VCAN: variants seen among roughly 807,000 people sequenced by gnomAD.
The protein encoded by VCAN is versican core protein.
Under a neutral mutation model 245.5 loss-of-function variants are expected in VCAN, and 44 were observed. The observed-to-expected ratio is 0.18, with a 90% CI of 0.14 to 0.23. The LOEUF (loss-of-function observed/expected upper bound fraction) is 0.23. Among genes scored for constraint, VCAN ranks in the 10% least tolerant of loss-of-function variants. The pLI is 1.00. For missense variants in VCAN, 3,793 were observed against 4,057.9 expected, an observed-to-expected ratio of 0.93 and a Z score of 1.77; for synonymous variants, 1,413 against 1,437.0, an observed-to-expected ratio of 0.98 and a Z score of 0.38.
intron 7 of VCAN, among the ~76,000 whole-genome samples, chr5:83,535,011 C>T (rs902211378): frequency 2.0e-5 from 3 of 151,880 alleles, no homozygotes; most frequent in Admixed American, 6.6e-5. Context: ...TTGAAGAAAC[C>T]TAGTCTTTTT....
chr5:83,474,248 A>C (rs1200134053), intron 1 of VCAN, among the ~76,000 whole-genome samples: 1 of 152,030 alleles, frequency 6.6e-6, no homozygotes, highest in Non-Finnish European at 1.5e-5. Context: ...AAGGAAGGGA[A>C]GTGGAAGGAA....
chr5:83,527,145 G>A (rs1227647919), intron 7 of VCAN, among the ~76,000 whole-genome samples: 1 of 152,194 alleles, frequency 6.6e-6, no homozygotes, highest in Non-Finnish European at 1.5e-5. Flanking sequence ...TTTCTCATTG[G>A]CATTCTAGTG....
At chr5:83,488,362 G>A (rs1744857236) in intron 2 of VCAN, among the ~76,000 whole-genome samples, 1 of 152,142 alleles carries the variant, frequency 6.6e-6, no homozygotes, top group South Asian at 2.1e-4. Context: ...GAACTGAAAA[G>A]AACACTTCTT....
intron 2 of VCAN, among the ~76,000 whole-genome samples, chr5:83,489,313 G>GA (rs1744889993): frequency 6.6e-6 from 1 of 152,128 alleles, no homozygotes; most frequent in Non-Finnish European, 1.5e-5. Context: ...CTCTAAGAGT[G>GA]AAAAAACATT....
At position 83,490,120 on chromosome 5, in the gene VCAN, G is replaced by T; in HGVS notation, c.93G>T (p.Pro31=). 1 of 1,613,994 alleles carries T rather than the reference G, an allele frequency of 6.2e-7. No homozygotes were observed. The highest frequency in any genetic ancestry group is 8.5e-7 in the Non-Finnish European group (1 of 1,180,014). Reference sequence around the variant, plus strand: ...TAGTCAAAGTGGGAAAAAGCCCACCGGTGAGGGGCTCCCTCTCTGGAAAAG... The same window carrying T: ...TAGTCAAAGTGGGAAAAAGCCCACCTGTGAGGGGCTCCCTCTCTGGAAAAG... ...LHKVKVGKSP[P]VRGSLSGKVS... The change falls in exon 3 of 15, where the codon CCG becomes CCT. Residue 31 remains proline (P), a synonymous_variant. Transcript: ENST00000265077.
At chr5:83,530,651 C>T (rs1405169054) in intron 7 of VCAN, among the ~76,000 whole-genome samples, 1 of 152,064 alleles carries the variant, frequency 6.6e-6, no homozygotes, top group African/African-American at 2.4e-5. Context: ...CATTACTTTT[C>T]ATTGAGGTCA....
intron 6 of VCAN, among the ~76,000 whole-genome samples, chr5:83,516,447 T>A (rs1322379233): frequency 6.6e-6 from 1 of 152,194 alleles, no homozygotes; most frequent in Non-Finnish European, 1.5e-5. Flanking sequence ...TGGGAATAAG[T>A]TAAATTGACT....
At position 83,542,096 on chromosome 5, in the gene VCAN, G is replaced by A. The variant is rs916283992; in HGVS notation, c.9093G>A (p.Gln3031=). Residue 3031 remains glutamine (Q), a synonymous_variant, in exon 8 of 15, where the codon CAG becomes CAA. Coordinates refer to ENST00000265077, the MANE Select transcript of VCAN (RefSeq NM_004385.5). ...GQDSTIAASE[Q]QVAARILDSN... is the part of the protein sequence containing the mutation. ...ATTCCACGATAGCAGCATCAGAACA[G>A]CAAGTGGCAGCGAGAATTCTTGATT... is the stretch of plus-strand genomic sequence containing the variant. 6.2e-7 allele frequency: 1 copy of A among 1,613,940 alleles called. No individual in the cohort carries two copies. The highest frequency in any genetic ancestry group is 8.5e-7 in the Non-Finnish European group (1 of 1,179,978).
chr5:83,489,989 T>C (rs1322470092), intron 2 of VCAN, 109 bp from the exon 3 acceptor site: 1 of 1,114,348 alleles, frequency 9.0e-7, no homozygotes, highest in Non-Finnish European at 1.3e-6. Context: ...ATGTCACATG[T>C]TGAAGATGTA....
In VCAN at chr5:83,521,361, G is replaced by A; in HGVS notation, c.3055G>A (p.Glu1019Lys). ...QTRLEATISP[E>K]TMRTTKITEG... ...TCGCCTTGAAGCGACTATTTCTCCA[G>A]AAACTATGAGAACAACAAAAATCAC... Residue 1019 changes from glutamate (E) to lysine (K), a missense_variant, in exon 7 of 15, where the codon GAA (glutamate) becomes AAA (lysine). By Grantham distance (56) the Glu-to-Lys change is moderately conservative (BLOSUM62 1). This residue lies in a region of VCAN where 3,182 missense variants were observed against 3,250.3 expected (regional missense o/e 0.98). Coordinates refer to ENST00000265077, the MANE Select transcript of VCAN (RefSeq NM_004385.5). 1 of 1,614,068 alleles carries A rather than the reference G, an allele frequency of 6.2e-7. No individual in the cohort carries two copies. The highest frequency in any genetic ancestry group is 8.5e-7 in the Non-Finnish European group (1 of 1,179,996).
At chr5:83,508,092 G>A (rs1745534973) in intron 5 of VCAN, among the ~76,000 whole-genome samples, 1 of 152,130 alleles carries the variant, frequency 6.6e-6, no homozygotes, top group Non-Finnish European at 1.5e-5. Flanking sequence ...CACTTCATCA[G>A]GGTTCCCTGC....
rs116102814 is a variant in VCAN at position 83,559,553 on chromosome 5, A to G, written c.9735+4515A>G. Among the ~76,000 whole-genome samples the G allele has an allele frequency of 7.1e-3, 1,075 of 152,110 alleles. 15 individuals carry two copies. The highest frequency in any genetic ancestry group is 0.025 in the African/African-American group (1,039 of 41,504). ...AGTGTTTAGCATATTCTCACGTCTT[A>G]TCCTCATTTCATCTCACAAACAGTC... On this transcript the variant is annotated intron_variant, in intron 12 of 14. Transcript: ENST00000265077.
rs151175014 is a variant in VCAN at position 83,577,633 on chromosome 5, A to G, written c.9881-2347A>G. Among the ~76,000 whole-genome samples, 20 of 152,288 alleles carry G rather than the reference A, an allele frequency of 1.3e-4. No homozygotes were observed. The Middle Eastern group carries it at 0.01, about 78-fold the overall frequency. On this transcript the variant is annotated intron_variant, in intron 13 of 14. Coordinates refer to ENST00000265077, the MANE Select transcript of VCAN (RefSeq NM_004385.5). ...TTGGTTGACACTATCCTGAAGTCATAAAGATATTCTATAGTTTCTAAATGT... is the reference window on the plus strand; with the variant it reads ...TTGGTTGACACTATCCTGAAGTCATGAAGATATTCTATAGTTTCTAAATGT...
intron 12 of VCAN, among the ~76,000 whole-genome samples, chr5:83,569,867 T>G (rs1044107713): frequency 3.9e-5 from 6 of 152,146 alleles, no homozygotes; most frequent in Non-Finnish European, 7.3e-5. Flanking sequence ...GGTTTTTAAT[T>G]TTTATCCTAC....
chr5:83,541,826 TG>T lies in VCAN; in HGVS notation c.8825del (p.Gly2942GlufsTer27). 1 of 1,614,110 alleles carries T rather than the reference TG, an allele frequency of 6.2e-7. No individual in the cohort carries two copies. On this transcript the variant is annotated frameshift_variant, in exon 8 of 15. Coordinates refer to ENST00000265077, the MANE Select transcript of VCAN (RefSeq NM_004385.5). LOFTEE classifies it high-confidence loss of function. ...AAAACAAAACCGATGGTCAAGTTTC[TG>T]GAGAAGCAATCAAGATGTTTCCCAC... ...FQNKTDGQVS[G>X]EAIKMFPTIK...
Position 83,537,478 on chromosome 5 carries a change from A to T in VCAN, c.4475A>T (p.His1492Leu). The T allele has an allele frequency of 6.2e-7, 1 of 1,613,914 alleles. No homozygotes were observed. The highest frequency in any genetic ancestry group is 1.1e-5 in the South Asian group (1 of 91,080). The change falls in exon 8 of 15, where the codon CAT becomes CTT. Residue 1492 changes from histidine (H) to leucine (L), a missense_variant. His to Leu is a moderately conservative substitution (Grantham distance 99). Transcript: ENST00000265077. ...GAGACTTACCCTGAAACATCAGAAC[A>T]TTTTTCAGGTGGTGAGCCTGATGTT... ...KPETYPETSEHFSGGEPDVFP... is the reference protein window; with the variant it reads ...KPETYPETSELFSGGEPDVFP...
Position 83,553,492 on chromosome 5 carries a change from C to T in VCAN, c.9622C>T (p.Leu3208=), listed in dbSNP as rs1747551010. ...GCAGGGTGCCCATCTCACAAGCATC[C>T]TGTCTCACGAAGAACAAATGTTTGT... is the stretch of plus-strand genomic sequence containing the variant. The part of the protein sequence containing the change: ...RLQGAHLTSI[L]SHEEQMFVNR... The change falls in exon 11 of 15, where the codon CTG becomes TTG. Residue 3208 remains leucine, a synonymous_variant. Coordinates refer to ENST00000265077, the MANE Select transcript of VCAN (RefSeq NM_004385.5). 2.5e-6 allele frequency: 4 copies of T among 1,614,012 alleles called. No individual in the cohort carries two copies. The highest frequency in any genetic ancestry group is 3.4e-6 in the Non-Finnish European group (4 of 1,179,986).
At chr5:83,503,631 T>A (rs1025494844) in intron 5 of VCAN, among the ~76,000 whole-genome samples, 8 of 152,216 alleles carry the variant, frequency 5.3e-5, no homozygotes, top group Non-Finnish European at 1.2e-4. Context: ...AGTAGAGCTA[T>A]AAGCACTAAT....
chr5:83,517,754 G>A (rs1163228881), intron 6 of VCAN, among the ~76,000 whole-genome samples: 1 of 152,100 alleles, frequency 6.6e-6, no homozygotes, highest in East Asian at 1.9e-4. Flanking sequence ...GGTTAGTTTT[G>A]TTTTAATATT....
Sources: allele counts gnomAD v4.1 joint callset (sites outside exome capture counted in the v4.1 genomes callset), GRCh38; gene constraint gnomAD v4.1.1; regional missense constraint gnomAD v4.1.1; transcripts MANE v1.5; gene names NCBI Gene and HGNC (gene_info 2026-07-23, HGNC 2026-07-21).